Variants in PLEKHB2 observed in about 807,000 individuals in gnomAD.
PLEKHB2 encodes pleckstrin homology domain-containing family B member 2.
Under a neutral mutation model 36.5 loss-of-function variants are expected in PLEKHB2, and 31 were observed. The observed-to-expected ratio is 0.85, with a 90% CI of 0.64 to 1.15. The LOEUF (loss-of-function observed/expected upper bound fraction) is 1.15. Ranked by LOEUF, PLEKHB2 falls within the 50% of genes most tolerant of loss-of-function variation. The probability of loss-of-function intolerance (pLI) is 0.00; values close to 1 mark genes in which losing one functional copy is unlikely to be tolerated. For missense variants in PLEKHB2, 262 were observed against 295.3 expected (o/e 0.89, Z 0.83); for synonymous variants, 119 against 112.0 (o/e 1.06, Z -0.39).
At position 131,125,621 on chromosome 2, in the gene PLEKHB2, C is replaced by G. The variant is rs536319109; in HGVS notation, c.38-132C>G. On this transcript the variant is annotated intron_variant, in intron 2 of 7. Coordinates refer to ENST00000693505, the MANE Select transcript of PLEKHB2 (RefSeq NM_001100623.2). Reference sequence around the variant, plus strand: ...ACGGGAGGCTGAAATGGGAGGATTGCTTGAGCCCAGGAGTTCAAGGCTGCA... The same window carrying G: ...ACGGGAGGCTGAAATGGGAGGATTGGTTGAGCCCAGGAGTTCAAGGCTGCA... The G allele has an allele frequency of 1.1e-4, 77 of 673,728 alleles. No homozygotes were observed. The African/African-American group carries it at 1.2e-3, about 11-fold the overall frequency. 41.7% of individuals were successfully genotyped at this position (673,728 alleles called of 1,614,324 possible). A position where few individuals can be genotyped will look rare whatever the true frequency, so the allele number is the denominator to read the frequency against.
intron 1 of PLEKHB2, among the ~76,000 whole-genome samples, chr2:131,114,888 A>C (rs979144851): frequency 1.3e-5 from 2 of 151,908 alleles, no homozygotes; most frequent in African/African-American, 4.8e-5. Flanking sequence ...AACTGTTCCA[A>C]CCTCTGCCTT....
intron 1 of PLEKHB2, chr2:131,107,658 CTT>C (rs1044336300): frequency 1.2e-4 from 19 of 152,112 alleles, no homozygotes; most frequent in African/African-American, 4.6e-4. Flanking sequence ...GCAGTTCTCA[CTT>C]TTTTATTTTT....
At position 131,120,996 on chromosome 2, in the gene PLEKHB2, G is replaced by A. The variant is rs377175085; in HGVS notation, c.37+18G>A. On this transcript the variant is annotated intron_variant, in intron 2 of 7. Coordinates refer to ENST00000693505, the MANE Select transcript of PLEKHB2 (RefSeq NM_001100623.2). ...GCGACAGAGTGAGTACAGGATGTGC[G>A]GTCTGCGATCGGCATTGCCGAAGGG... 2.8e-5 allele frequency: 45 copies of A among 1,612,602 alleles called. 2 individuals carry two copies. In the South Asian group the frequency reaches 4.5e-4, roughly 16 times the overall value.
At chr2:131,115,987 G>A (rs1009338305) in intron 1 of PLEKHB2, among the ~76,000 whole-genome samples, 4 of 152,184 alleles carry the variant, frequency 2.6e-5, no homozygotes, top group African/African-American at 9.7e-5. Context: ...ACATGAGATT[G>A]TTCCACAGAA....
intron 7 of PLEKHB2, among the ~76,000 whole-genome samples, chr2:131,144,059 A>G (rs1463281825): frequency 6.6e-6 from 1 of 152,090 alleles, no homozygotes; most frequent in Non-Finnish European, 1.5e-5. Context: ...CTTGCTGTGG[A>G]AGGGTCAAAT....
chr2:131,132,279 T>A (rs1697779878), intron 5 of PLEKHB2, among the ~76,000 whole-genome samples: 1 of 152,140 alleles, frequency 6.6e-6, no homozygotes. Context: ...GAGTTTTTAT[T>A]TGTGAATAAA....
At chr2:131,121,837 T>G (rs542394958) in intron 2 of PLEKHB2, among the ~76,000 whole-genome samples, 54 of 152,302 alleles carry the variant, frequency 3.5e-4, no homozygotes, top group Non-Finnish European at 6.3e-4. Flanking sequence ...TGCAAACCTG[T>G]CTTTCATACA....
chr2:131,134,999 T>C (rs965008167), intron 6 of PLEKHB2, among the ~76,000 whole-genome samples: 1 of 152,252 alleles, frequency 6.6e-6, no homozygotes, highest in African/African-American at 2.4e-5. Flanking sequence ...ATTTTTAGTT[T>C]TAGTTTCCTT....
chr2:131,113,081 T>C (rs910570863), intron 1 of PLEKHB2, among the ~76,000 whole-genome samples: 4 of 123,436 alleles, frequency 3.2e-5, no homozygotes, highest in Non-Finnish European at 7.4e-5. Flanking sequence ...TGGTGTTCGC[T>C]GAAGAATTTT....
chr2:131,110,887 G>A (rs113486394), intron 1 of PLEKHB2, among the ~76,000 whole-genome samples: 3,269 of 152,170 alleles, frequency 0.021, 118 homozygotes, highest in African/African-American at 0.074. Flanking sequence ...AATTCATCAT[G>A]CTGGACAGTC....
intron 7 of PLEKHB2, among the ~76,000 whole-genome samples, chr2:131,144,621 C>A (rs112196221): frequency 0.022 from 3,280 of 152,312 alleles, 121 homozygotes; most frequent in African/African-American, 0.074. Flanking sequence ...GCCTTTTTCT[C>A]ATTCACATTT....
intron 1 of PLEKHB2, among the ~76,000 whole-genome samples, chr2:131,106,622 T>C (rs1007820895): frequency 6.6e-6 from 1 of 152,132 alleles, no homozygotes. Flanking sequence ...CTCAGGAGTG[T>C]TCCCTAGGTT....
chr2:131,144,035 A>T (rs1269988351), intron 7 of PLEKHB2, among the ~76,000 whole-genome samples: 1 of 152,214 alleles, frequency 6.6e-6, no homozygotes, highest in East Asian at 1.9e-4. Flanking sequence ...GTGACCAGGC[A>T]GCCCCCAGAC....
At chr2:131,127,586 A>G (rs1320406286) in intron 4 of PLEKHB2, among the ~76,000 whole-genome samples, 1 of 152,220 alleles carries the variant, frequency 6.6e-6, no homozygotes, top group East Asian at 1.9e-4. Context: ...GACTTTTGAG[A>G]AAGATGGTGA....
intron 1 of PLEKHB2, chr2:131,107,420 A>G (rs888300214): frequency 6.6e-6 from 1 of 152,234 alleles, no homozygotes; most frequent in African/African-American, 2.4e-5. Flanking sequence ...TGACCTCTAC[A>G]TGTTGATGGG....
intron 2 of PLEKHB2, among the ~76,000 whole-genome samples, chr2:131,122,181 C>G (rs573271572): frequency 1.3e-5 from 2 of 152,170 alleles, no homozygotes; most frequent in South Asian, 4.2e-4. Flanking sequence ...AGGCAAAGTG[C>G]TGGGATTACA....
At position 131,148,742 on chromosome 2, in the gene PLEKHB2, C is replaced by A. The variant is rs781118015; in HGVS notation, c.*1969C>A. The A allele has an allele frequency of 2.0e-5, 3 of 152,224 alleles. No homozygotes were observed. Among genetic ancestry groups the A allele is most frequent in the African/African-American group, 7.2e-5 (3 of 41,448 alleles). 9.4% of individuals were successfully genotyped at this position (152,224 alleles called of 1,614,324 possible). The stretch of plus-strand genomic sequence containing the variant: ...CACATGGAAGGATGTCTGTTTATCT[C>A]TCATCTCTGAATAGATGTATGACAA... On this transcript the variant is annotated 3_prime_UTR_variant, in exon 8 of 8. Coordinates refer to ENST00000693505, the MANE Select transcript of PLEKHB2 (RefSeq NM_001100623.2).
Position 131,146,831 on chromosome 2 carries a change from T to A in PLEKHB2, c.*58T>A. Reference sequence around the variant, plus strand: ...ATAACCCTGTGTGCAATAATATGATTTGCAGGGCATTTCTGTTTGTGACAA... The same window carrying A: ...ATAACCCTGTGTGCAATAATATGATATGCAGGGCATTTCTGTTTGTGACAA... On this transcript the variant is annotated 3_prime_UTR_variant, in exon 8 of 8. Coordinates refer to ENST00000693505, the MANE Select transcript of PLEKHB2 (RefSeq NM_001100623.2). The A allele has an allele frequency of 7.1e-7, 1 of 1,411,870 alleles. No individual in the cohort carries two copies. Among genetic ancestry groups the A allele is most frequent in the Non-Finnish European group, 9.6e-7 (1 of 1,044,588 alleles). 87.5% of individuals were successfully genotyped at this position (1,411,870 alleles called of 1,614,324 possible). A position where few individuals can be genotyped will look rare whatever the true frequency, so the allele number is the denominator to read the frequency against.
Position 131,146,673 on chromosome 2 carries a change from T to C in PLEKHB2, c.569T>C (p.Ile190Thr). Residue 190 changes from isoleucine to threonine, a missense_variant, in exon 8 of 8, where the codon ATT becomes ACT. Transcript: ENST00000693505. Reference sequence around the variant, plus strand: ...CAGCAGCCTGCTAACCAAGTCATCATTCGAGAGCGCTATCGAGACAACGAC... The same window carrying C: ...CAGCAGCCTGCTAACCAAGTCATCACTCGAGAGCGCTATCGAGACAACGAC... ...YGQQPANQVI[I>T]RERYRDNDSD... 5.0e-6 allele frequency: 8 copies of C among 1,613,970 alleles called. No homozygotes were observed. The South Asian group carries it at 6.6e-5, about 13-fold the overall frequency.
Sources: gnomAD v4.1 joint callset for allele counts (sites outside exome capture counted in the v4.1 genomes callset) on GRCh38, gnomAD v4.1.1 for gene constraint, MANE v1.5 for transcripts, NCBI Gene and HGNC (gene_info 2026-07-23, HGNC 2026-07-21) for gene names.